Variants in POGZ observed in about 807,000 individuals in gnomAD.
POGZ encodes the protein pogo transposable element derived with ZNF domain, also known as pogo transposable element with ZNF domain.
In POGZ, 17 loss-of-function variants were observed where a neutral mutation model predicts 134.6. The ratio of observed to expected loss-of-function variants is 0.13; its 90% CI spans 0.09 to 0.19. The LOEUF is 0.19. Ranked by LOEUF, POGZ falls within the 10% of genes least tolerant of loss-of-function variation. The probability of loss-of-function intolerance (pLI) is 1.00; values close to 1 mark genes in which losing one functional copy is unlikely to be tolerated. For missense variants in POGZ, 1,306 were observed against 1,769.7 expected, an observed-to-expected ratio of 0.74 and a Z score of 4.70; for synonymous variants, 693 against 657.1, an observed-to-expected ratio of 1.05 and a Z score of -0.84.
At position 151,406,080 on chromosome 1, in the gene POGZ, T is replaced by C. The variant is rs145117305; in HGVS notation, c.2955A>G (p.Leu985=). Residue 985 remains leucine, a synonymous_variant, in exon 19 of 19, where the codon CTA becomes CTG. Coordinates refer to ENST00000271715, the MANE Select transcript of POGZ (RefSeq NM_015100.4). ...CAGCTGCCTGTTCTGTATTGCAGCATAGAGCAAACAGTACTACTCGAAGCT... is the reference window on the plus strand; with the variant it reads ...CAGCTGCCTGTTCTGTATTGCAGCACAGAGCAAACAGTACTACTCGAAGCT... ...VKKLRVVLFA[L]CCNTEQAAEH... The C allele has an allele frequency of 2.1e-5, 34 of 1,614,094 alleles. No individual in the cohort carries two copies. In the African/African-American group the frequency reaches 3.9e-4, roughly 18 times the overall value.
intron 1 of POGZ, among the ~76,000 whole-genome samples, chr1:151,443,475 G>A (rs1169787367): frequency 1.3e-5 from 2 of 152,172 alleles, no homozygotes; most frequent in Non-Finnish European, 2.9e-5. Context: ...CGAGGTGGGC[G>A]GATCACCTGA....
At chr1:151,452,097 C>CAAAAAAAAAAAAAAAAA (rs574531921) in intron 1 of POGZ, among the ~76,000 whole-genome samples, 1 of 59,034 alleles carries the variant, frequency 1.7e-5, no homozygotes. Flanking sequence ...GACTCCGTCT[C>CAAAAAAAAAAAAAAAAA]AAAAAAAAAA....
intron 3 of POGZ, among the ~76,000 whole-genome samples, chr1:151,440,393 G>A (rs1196914975): frequency 6.6e-6 from 1 of 151,610 alleles, no homozygotes; most frequent in African/African-American, 2.4e-5. Flanking sequence ...ATAGACATTA[G>A]AAATTAAATA....
chr1:151,428,385 T>A lies in POGZ; in HGVS notation c.597A>T (p.Thr199=). 6.2e-7 allele frequency: 1 copy of A among 1,613,882 alleles called. No individual in the cohort carries two copies. The highest frequency in any genetic ancestry group is 1.1e-5 in the South Asian group (1 of 91,078). The change falls in exon 6 of 19, where the codon ACA becomes ACT. Residue 199 remains threonine, a synonymous_variant. Transcript: ENST00000271715. ...GGGAGAACACTTGTGGAACTCCAAC[T>A]GTCGGCTTAACAAACTGGGTACCTG... The part of the protein sequence containing the change: ...PAPGTQFVKP[T]VGVPQVFSQM...
At chr1:151,446,313 G>A (rs1273214810) in intron 1 of POGZ, among the ~76,000 whole-genome samples, 3 of 146,240 alleles carry the variant, frequency 2.1e-5, no homozygotes, top group Non-Finnish European at 4.5e-5. Context: ...TTGCTATGAA[G>A]GATTGGATAC....
At chr1:151,453,460 A>C (rs1662390571) in intron 1 of POGZ, among the ~76,000 whole-genome samples, 1 of 150,454 alleles carries the variant, frequency 6.6e-6, no homozygotes, top group African/African-American at 2.4e-5. Flanking sequence ...TTATGCATCC[A>C]TTTTCACTTA....
intron 3 of POGZ, among the ~76,000 whole-genome samples, chr1:151,433,653 A>G (rs2102324289): frequency 6.6e-6 from 1 of 151,954 alleles, no homozygotes; most frequent in African/African-American, 2.4e-5. Flanking sequence ...ATATGGTACA[A>G]TCAAAAAGTG....
intron 1 of POGZ, among the ~76,000 whole-genome samples, chr1:151,456,500 T>C (rs1336955270): frequency 1.3e-5 from 2 of 152,232 alleles, no homozygotes; most frequent in Non-Finnish European, 2.9e-5. Context: ...GTAAAAATGC[T>C]ACTCCATGAA....
At chr1:151,407,952 C>T in intron 15 of POGZ, 148 bp downstream of exon 15, 2 of 568,012 alleles carry the variant, frequency 3.5e-6, no homozygotes, top group Admixed American at 3.4e-5. Flanking sequence ...GCAGAGGTTG[C>T]AGTGAGCCAA....
chr1:151,412,280 G>C lies in POGZ; in HGVS notation c.1779+16C>G, dbSNP rs750537634. The C allele has an allele frequency of 7.0e-7, 1 of 1,420,038 alleles. No homozygotes were observed. The highest frequency in any genetic ancestry group is 9.9e-7 in the Non-Finnish European group (1 of 1,012,680). The allele number at this position is 1,420,038 out of a possible 1,614,324, so 88.0% of individuals were successfully genotyped here. ...AGGGCAAAACTGCTAAAACTCCCTG[G>C]AGAAAAAGGCAATACCTGGCAAACA... On this transcript the variant is annotated intron_variant, in intron 11 of 18. Coordinates refer to ENST00000271715, the MANE Select transcript of POGZ (RefSeq NM_015100.4).
intron 11 of POGZ, 67 bp downstream of exon 11, chr1:151,412,229 T>C (rs939940910): frequency 8.7e-6 from 7 of 809,038 alleles, no homozygotes; most frequent in Non-Finnish European, 1.5e-5. Context: ...ACAATATTCA[T>C]TAGTAAATTC....
chr1:151,416,467 A>G (rs891923428), intron 10 of POGZ, among the ~76,000 whole-genome samples: 7 of 152,182 alleles, frequency 4.6e-5, no homozygotes, highest in Admixed American at 3.3e-4. Flanking sequence ...GCGTCACTGC[A>G]TTCCAGCCTG....
At chr1:151,439,551 T>C (rs1437602042) in intron 3 of POGZ, among the ~76,000 whole-genome samples, 1 of 152,218 alleles carries the variant, frequency 6.6e-6, no homozygotes, top group South Asian at 2.1e-4. Context: ...TCTAAGACTT[T>C]ATATTGCAAA....
chr1:151,448,366 C>T (rs1188308358), intron 1 of POGZ, among the ~76,000 whole-genome samples: 1 of 152,064 alleles, frequency 6.6e-6, no homozygotes, highest in African/African-American at 2.4e-5. Flanking sequence ...AATCCTAGCA[C>T]TTCGGGAGGC....
chr1:151,450,120 C>G (rs970321703), intron 1 of POGZ, among the ~76,000 whole-genome samples: 1 of 148,398 alleles, frequency 6.7e-6, no homozygotes, highest in East Asian at 2.0e-4. Flanking sequence ...CAACCTCCGC[C>G]TACCGGGTAC....
rs1275688647 is a variant in POGZ, at chr1:151,406,044, T to A, written c.2991A>T (p.Arg997=). 1 of 1,614,210 alleles carries A rather than the reference T, an allele frequency of 6.2e-7. No homozygotes were observed. Among genetic ancestry groups the A allele is most frequent in the East Asian group, 2.2e-5 (1 of 44,890 alleles). ...AACGGCGAATACGTCGCTGGGGATT[T>A]CGGAAGTGTTCAGCTGCCTGTTCTG... ...CNTEQAAEHF[R]NPQRRIRRWL... Residue 997 remains arginine (R), a synonymous_variant, in exon 19 of 19, where the codon CGA becomes CGT. Transcript: ENST00000271715.
rs1410741676 is a variant in POGZ at position 151,403,795 on chromosome 1, C to G, written c.*1007G>C. On this transcript the variant is annotated 3_prime_UTR_variant, in exon 19 of 19. Coordinates refer to ENST00000271715, the MANE Select transcript of POGZ (RefSeq NM_015100.4). The stretch of plus-strand genomic sequence containing the variant: ...GAACAATTAGCTCCTGGCTGTAGGA[C>G]CAGTAATCCCTTAAACAGGCATGCT... 1 of 985,526 alleles carries G rather than the reference C, an allele frequency of 1.0e-6. No individual in the cohort carries two copies. Among genetic ancestry groups the G allele is most frequent in the African/African-American group, 1.7e-5 (1 of 57,352 alleles). 61.0% of individuals were successfully genotyped at this position (985,526 alleles called of 1,614,324 possible).
At chr1:151,451,312 A>T (rs1386542992) in intron 1 of POGZ, among the ~76,000 whole-genome samples, 1 of 151,776 alleles carries the variant, frequency 6.6e-6, no homozygotes, top group East Asian at 1.9e-4. Context: ...CAAATCAATT[A>T]TTTATTTATT....
intron 10 of POGZ, 24 bp downstream of exon 10, chr1:151,423,373 G>T (rs1332742495): frequency 6.2e-7 from 1 of 1,604,004 alleles, no homozygotes; most frequent in Admixed American, 1.7e-5. Context: ...TATTCCCCTT[G>T]AGTTTAAGAG....
Sources: allele counts gnomAD v4.1 joint callset (sites outside exome capture counted in the v4.1 genomes callset), GRCh38; gene constraint gnomAD v4.1.1; transcripts MANE v1.5; gene names NCBI Gene and HGNC (gene_info 2026-07-23, HGNC 2026-07-21).